Variants in UGGT1 observed in about 807,000 individuals in gnomAD.
UGGT1 encodes the protein UDP-glucose:glycoprotein glucosyltransferase 1.
Under a neutral mutation model 203.9 loss-of-function variants are expected in UGGT1, and 107 were observed. That is an observed-to-expected ratio of 0.52 (90% CI 0.45 to 0.62). The LOEUF is 0.62. Among genes scored for constraint, UGGT1 ranks in the 20% least tolerant of loss-of-function variants. UGGT1 has a pLI of 0.00. For synonymous variants in UGGT1, 628 were observed against 653.5 expected, an observed-to-expected ratio of 0.96 and a Z score of 0.59; for missense variants, 1,673 against 1,867.2, an observed-to-expected ratio of 0.90 and a Z score of 1.92.
At chr2:128,150,874 G>A (rs1273191127) in intron 18 of UGGT1, among the ~76,000 whole-genome samples, 1 of 151,814 alleles carries the variant, frequency 6.6e-6, no homozygotes, top group Non-Finnish European at 1.5e-5. Flanking sequence ...TTTTTGAGAT[G>A]GAGCCTCGCT....
intron 21 of UGGT1, 64 bp downstream of exon 21, chr2:128,156,479 A>G: frequency 1.5e-6 from 2 of 1,293,834 alleles, no homozygotes; most frequent in South Asian, 2.5e-5. Context: ...TGACCATTGT[A>G]ATTTAGAATT....
At chr2:128,162,382 A>G (rs754924282) in intron 25 of UGGT1, among the ~76,000 whole-genome samples, 13 of 152,078 alleles carry the variant, frequency 8.5e-5, no homozygotes, top group African/African-American at 1.4e-4. Flanking sequence ...CGAGGTTGCA[A>G]TGAGCTGAGA....
At chr2:128,157,118 C>A in intron 21 of UGGT1, 134 bp from the exon 22 acceptor site, 1 of 667,046 alleles carries the variant, frequency 1.5e-6, no homozygotes, top group Non-Finnish European at 2.6e-6. Flanking sequence ...TTTCTTCTAT[C>A]TTTATTAAGC....
intron 19 of UGGT1, 22 bp from the exon 20 acceptor site, chr2:128,155,467 C>A: frequency 6.5e-7 from 1 of 1,545,950 alleles, no homozygotes. Context: ...CTAATATATA[C>A]GTATTTCATT....
In UGGT1 at chr2:128,182,300, A is replaced by C. The variant is rs996906962; in HGVS notation, c.4244+10A>C. On this transcript the variant is annotated intron_variant, in intron 37 of 40. Transcript: ENST00000259253. ...GAAAGTATCATATCAGGTACTGAAA[A>C]GAAGCACTCCTAACACTGTTACGGG... is the stretch of plus-strand genomic sequence containing the variant. The C allele has an allele frequency of 1.9e-6, 3 of 1,609,404 alleles. No individual in the cohort carries two copies. The Admixed American group carries it at 5.1e-5, about 27-fold the overall frequency.
intron 27 of UGGT1, among the ~76,000 whole-genome samples, 181 bp from the exon 28 acceptor site, chr2:128,171,024 C>T (rs111563581): frequency 2.4e-4 from 36 of 152,308 alleles, no homozygotes; most frequent in African/African-American, 7.0e-4. Flanking sequence ...CTTTTGGCCA[C>T]GTCCTATGTA....
chr2:128,105,595 A>G (rs998371679), intron 3 of UGGT1, among the ~76,000 whole-genome samples: 26 of 151,768 alleles, frequency 1.7e-4, no homozygotes, highest in African/African-American at 4.8e-4. Flanking sequence ...ACTCACTGCA[A>G]TCTCTGCCAC....
At chr2:128,144,972 A>G (rs555634603) in intron 17 of UGGT1, among the ~76,000 whole-genome samples, 2 of 152,352 alleles carry the variant, frequency 1.3e-5, no homozygotes, top group African/African-American at 4.8e-5. Context: ...ACAAGCACCT[A>G]TGTTGACAGT....
At position 128,091,219 on chromosome 2, in the gene UGGT1, G is replaced by T. The variant is rs1372046273; in HGVS notation, c.-139G>T. On this transcript the variant is annotated 5_prime_UTR_variant, in exon 1 of 41. Transcript: ENST00000259253. ...GCCGGCAGCTGGGCAATTGCTTTGC[G>T]AGGCTGGGTGTTGAGTCGAGCCGCG... 1.1e-6 allele frequency: 1 copy of T among 948,572 alleles called. No individual in the cohort carries two copies. Among genetic ancestry groups the T allele is most frequent in the Admixed American group, 3.3e-5 (1 of 30,066 alleles). 58.8% of individuals were successfully genotyped at this position (948,572 alleles called of 1,614,324 possible).
chr2:128,177,106 A>G (rs1292243902), intron 32 of UGGT1, among the ~76,000 whole-genome samples: 1 of 152,100 alleles, frequency 6.6e-6, no homozygotes, highest in African/African-American at 2.4e-5. Context: ...TGTGCAGAAC[A>G]TGTCCCATCT....
intron 37 of UGGT1, among the ~76,000 whole-genome samples, chr2:128,183,459 C>A (rs917348625): frequency 1.3e-5 from 2 of 152,176 alleles, no homozygotes; most frequent in African/African-American, 2.4e-5. Flanking sequence ...ATGGCAAATA[C>A]AGAACAGTAA....
At chr2:128,182,909 C>CTT (rs372722115) in intron 37 of UGGT1, among the ~76,000 whole-genome samples, 20,316 of 114,044 alleles carry the variant, frequency 0.18, 1,934 homozygotes, top group Non-Finnish European at 0.21. Flanking sequence ...TGTAACTTGG[C>CTT]TTTTTTTTTT....
Position 128,173,772 on chromosome 2 carries a change from G to A in UGGT1, c.3295-9G>A. The A allele has an allele frequency of 6.2e-7, 1 of 1,612,572 alleles. No individual in the cohort carries two copies. The highest frequency in any genetic ancestry group is 8.5e-7 in the Non-Finnish European group (1 of 1,179,116). ...GAGTGCATTCAAGTGATTGGATTTT[G>A]GCTTGCAGGTGGACAGTGTAGTGGC... On this transcript the variant is annotated splice_polypyrimidine_tract_variant and intron_variant, in intron 29 of 40. Coordinates refer to ENST00000259253, the MANE Select transcript of UGGT1 (RefSeq NM_020120.4).
chr2:128,102,017 G>C (rs1687396023), intron 2 of UGGT1, among the ~76,000 whole-genome samples: 1 of 151,980 alleles, frequency 6.6e-6, no homozygotes, highest in Non-Finnish European at 1.5e-5. Context: ...TACTCTCTCT[G>C]TACCCATCAT....
rs1346282887 is a variant in UGGT1 at position 128,115,175 on chromosome 2, A to G, written c.748A>G (p.Ile250Val). The stretch of plus-strand genomic sequence containing the variant: ...CTCTGGCTATGGCGTGGAATTGGCC[A>G]TTAAGAGCACTGAGTACAAGGCCAA... ...YLSGYGVELA[I>V]KSTEYKAKDD... The change falls in exon 7 of 41, where the codon ATT (isoleucine) becomes GTT (valine). Residue 250 changes from isoleucine (I) to valine (V), a missense_variant. Ile to Val is a conservative substitution (Grantham distance 29, BLOSUM62 3). This residue lies in a region of UGGT1 where 1,073 missense variants were observed against 1,078.7 expected (regional missense o/e 0.99). Transcript: ENST00000259253. The G allele has an allele frequency of 4.3e-6, 7 of 1,614,098 alleles. No homozygotes were observed. Among genetic ancestry groups the G allele is most frequent in the Non-Finnish European group, 5.1e-6 (6 of 1,179,980 alleles).
chr2:128,171,966 T>C (rs1037974117), intron 28 of UGGT1, among the ~76,000 whole-genome samples: 1 of 152,248 alleles, frequency 6.6e-6, no homozygotes, highest in Non-Finnish European at 1.5e-5. Context: ...ATGGGAAATT[T>C]CTAACTTGCC....
chr2:128,151,382 A>G (rs998147742), intron 18 of UGGT1: 4 of 404,948 alleles, frequency 9.9e-6, no homozygotes, highest in Non-Finnish European at 1.9e-5. Context: ...ATTTTTATAG[A>G]CTTTGCCAAA....
intron 29 of UGGT1, among the ~76,000 whole-genome samples, 165 bp downstream of exon 29, chr2:128,172,927 C>T (rs865917951): frequency 2.0e-5 from 3 of 152,120 alleles, no homozygotes; most frequent in Admixed American, 6.5e-5. Context: ...TCCCCATTAA[C>T]GTGTACAGTT....
rs749191091 is a variant in UGGT1 at position 128,164,847 on chromosome 2, T to A, written c.2921+22T>A. 13 of 1,553,802 alleles carry A rather than the reference T, an allele frequency of 8.4e-6. No individual in the cohort carries two copies. In the African/African-American group the frequency reaches 1.7e-4, roughly 20 times the overall value. On this transcript the variant is annotated intron_variant, in intron 26 of 40. Transcript: ENST00000259253. ...ACAGGTATAGAATTAATGTTGAATT[T>A]GTGCATATTCTTGAATATTAAACTC... is the stretch of plus-strand genomic sequence containing the variant.
Sources: allele counts gnomAD v4.1 joint callset (sites outside exome capture counted in the v4.1 genomes callset), GRCh38; gene constraint gnomAD v4.1.1; regional missense constraint gnomAD v4.1.1; transcripts MANE v1.5; gene names NCBI Gene and HGNC (gene_info 2026-07-23, HGNC 2026-07-21).